ROCK1: variants seen among roughly 807,000 people sequenced by gnomAD.
ROCK1 encodes the protein rho-associated protein kinase 1.
A neutral mutation model predicts 196.8 loss-of-function variants in ROCK1; 36 were observed. That is an observed-to-expected ratio of 0.18 (90% CI 0.14 to 0.24). ROCK1 has a LOEUF of 0.24. Ranked by LOEUF, ROCK1 falls within the 10% of genes least tolerant of loss-of-function variation. The pLI is 1.00. For missense variants in ROCK1, 920 were observed against 1,562.0 expected (o/e 0.59, Z 6.93); for synonymous variants, 443 against 515.9 (o/e 0.86, Z 1.91).
In ROCK1 at chr18:21,095,118, TG is replaced by T. The variant is rs556031595; in HGVS notation, c.93+15699del. On this transcript the variant is annotated intron_variant, in intron 1 of 32. Coordinates refer to ENST00000399799, the MANE Select transcript of ROCK1 (RefSeq NM_005406.3). ...TATATGAAAAGGTACTCAGCACCAC[TG>T]ATCATCAGAGAAATGCAAATCAAAA... Among the ~76,000 whole-genome samples the T allele has an allele frequency of 9.4e-5, 14 of 149,222 alleles. 1 individual carries two copies. The South Asian group carries it at 2.9e-3, about 31-fold the overall frequency.
At chr18:20,988,372 T>G (rs536885977) in intron 18 of ROCK1, among the ~76,000 whole-genome samples, 59 of 152,138 alleles carry the variant, frequency 3.9e-4, no homozygotes, top group Non-Finnish European at 6.9e-4. Context: ...CCGGCCTCTT[T>G]CTATCCAATT....
intron 1 of ROCK1, among the ~76,000 whole-genome samples, chr18:21,105,421 G>C (rs1046477102): frequency 6.6e-6 from 1 of 152,052 alleles, no homozygotes; most frequent in African/African-American, 2.4e-5. Flanking sequence ...CACAAACTAG[G>C]AACACTGGCA....
chr18:21,020,193 T>G lies in ROCK1; in HGVS notation c.1319A>C (p.His440Pro). The change falls in exon 12 of 33, where the codon CAT (histidine) becomes CCT (proline). Residue 440 changes from histidine (H) to proline (P), a missense_variant. Coordinates refer to ENST00000399799, the MANE Select transcript of ROCK1 (RefSeq NM_005406.3). ...KTIYKLEEQL[H>P]NEMQLKDEME... ...TTCATCTTTTAACTGCATTTCATTA[T>G]GCAGCTGTTCTTCCAGCTTATAGAT... 6.3e-7 allele frequency: 1 copy of G among 1,599,522 alleles called. No homozygotes were observed.
chr18:21,037,105 G>C (rs1435837997), intron 9 of ROCK1, among the ~76,000 whole-genome samples: 1 of 152,116 alleles, frequency 6.6e-6, no homozygotes, highest in Non-Finnish European at 1.5e-5. Context: ...CCTGTAGTAA[G>C]TTATTTAGGT....
Position 21,090,194 on chromosome 18 carries a change from T to C in ROCK1, c.94-19581A>G, listed in dbSNP as rs574593344. 2.6e-5 allele frequency among the ~76,000 whole-genome samples: 4 copies of C among 152,330 alleles called. No individual in the cohort carries two copies. The East Asian group carries it at 7.7e-4, about 29-fold the overall frequency. On this transcript the variant is annotated intron_variant, in intron 1 of 32. Transcript: ENST00000399799. ...ATTATGCAGCCAAATGTTGACACAT[T>C]TCATCACATCTGTAACCCCAACACT...
rs2036086792 is a variant in ROCK1 at position 21,039,507 on chromosome 18, T to C, written c.1016A>G (p.Lys339Arg). 9 of 1,614,086 alleles carry C rather than the reference T, an allele frequency of 5.6e-6. No individual in the cohort carries two copies. The highest frequency in any genetic ancestry group is 7.6e-6 in the Non-Finnish European group (9 of 1,179,992). ...VEEIKRHLFF[K>R]NDQWAWETLR... ...CGTTTCCCAAGCCCACTGGTCATTT[T>C]TGAAGAAGAGATGTCGTTTGATTTC... Residue 339 changes from lysine to arginine, a missense_variant, in exon 9 of 33, where the codon AAA becomes AGA. By Grantham distance (26) the Lys-to-Arg change is conservative (BLOSUM62 2). Coordinates refer to ENST00000399799, the MANE Select transcript of ROCK1 (RefSeq NM_005406.3).
rs1426773004 is a variant in ROCK1, at chr18:20,948,294, G to A, written c.*3090C>T. The A allele has an allele frequency of 1.3e-5, 2 of 152,006 alleles. No homozygotes were observed. The highest frequency in any genetic ancestry group is 1.9e-4 in the East Asian group (1 of 5,186). 9.4% of individuals were successfully genotyped at this position (152,006 alleles called of 1,614,324 possible). A position where few individuals can be genotyped will look rare whatever the true frequency, so the allele number is the denominator to read the frequency against. ...CCAATGGATTGTTCACCTGAATTAC[G>A]ATGCAGGAAAGAAGTATTTTCAATG... On this transcript the variant is annotated 3_prime_UTR_variant, in exon 33 of 33. Transcript: ENST00000399799.
chr18:21,072,390 C>A (rs957922695), intron 1 of ROCK1, among the ~76,000 whole-genome samples: 23 of 152,066 alleles, frequency 1.5e-4, no homozygotes, highest in African/African-American at 5.1e-4. Flanking sequence ...AAGCATATAC[C>A]AACTGAGGTT....
intron 29 of ROCK1, among the ~76,000 whole-genome samples, chr18:20,957,616 G>A (rs1398396236): frequency 2.1e-4 from 32 of 152,122 alleles, no homozygotes; most frequent in African/African-American, 7.0e-4. Context: ...GAGTAGCTGG[G>A]ATTACAGGCA....
intron 1 of ROCK1, among the ~76,000 whole-genome samples, chr18:21,095,249 C>T (rs2036603756): frequency 6.6e-6 from 1 of 151,508 alleles, no homozygotes; most frequent in Non-Finnish European, 1.5e-5. Flanking sequence ...AACTCTCCTA[C>T]AATGTTAACG....
chr18:21,105,791 G>C (rs924034402), intron 1 of ROCK1, among the ~76,000 whole-genome samples: 1 of 152,120 alleles, frequency 6.6e-6, no homozygotes, highest in Admixed American at 6.5e-5. Flanking sequence ...TGAAACAAAA[G>C]ACTAAAAATA....
chr18:21,004,201 T>C (rs1017197408), intron 16 of ROCK1, among the ~76,000 whole-genome samples: 2 of 152,150 alleles, frequency 1.3e-5, no homozygotes, highest in Non-Finnish European at 2.9e-5. Context: ...GTTTTTATAC[T>C]TTAAAAGGTT....
At chr18:20,964,819 C>G (rs976404936) in intron 27 of ROCK1, among the ~76,000 whole-genome samples, 4 of 152,182 alleles carry the variant, frequency 2.6e-5, no homozygotes, top group African/African-American at 9.7e-5. Flanking sequence ...GATTCCCAGC[C>G]TAAGTCTGCC....
chr18:21,064,571 C>T (rs2036318233), intron 2 of ROCK1, among the ~76,000 whole-genome samples: 1 of 152,186 alleles, frequency 6.6e-6, no homozygotes, highest in Admixed American at 6.5e-5. Context: ...CCTTTTCTCA[C>T]ACATCTTGAA....
chr18:20,992,094 G>A (rs768989293), intron 17 of ROCK1, among the ~76,000 whole-genome samples: 1 of 152,136 alleles, frequency 6.6e-6, no homozygotes, highest in South Asian at 2.1e-4. Flanking sequence ...AAGGAAAAAT[G>A]AGTCAAAATA....
At chr18:21,051,953 A>C (rs1432187589) in intron 2 of ROCK1, among the ~76,000 whole-genome samples, 2 of 152,224 alleles carry the variant, frequency 1.3e-5, no homozygotes, top group Admixed American at 6.5e-5. Context: ...GAGTTCAATA[A>C]AGTCAAGACA....
Position 20,950,368 on chromosome 18 carries a change from C to A in ROCK1, c.*1016G>T, listed in dbSNP as rs1168520290. 2 of 152,632 alleles carry A rather than the reference C, an allele frequency of 1.3e-5. No individual in the cohort carries two copies. The highest frequency in any genetic ancestry group is 2.9e-5 in the Non-Finnish European group (2 of 68,036). The allele number at this position is 152,632 out of a possible 1,614,324, so 9.5% of individuals were successfully genotyped here. On this transcript the variant is annotated 3_prime_UTR_variant, in exon 33 of 33. Coordinates refer to ENST00000399799, the MANE Select transcript of ROCK1 (RefSeq NM_005406.3). ...AAACCAATTATCAATGAAAAACTCA[C>A]TGACACACATAATTTTTTGAAAATA...
chr18:20,964,227 G>A (rs985173113), intron 27 of ROCK1, among the ~76,000 whole-genome samples: 5 of 151,880 alleles, frequency 3.3e-5, no homozygotes, highest in East Asian at 3.9e-4. Context: ...TTTTTAGTAC[G>A]TATATTCATT....
At chr18:21,028,250 T>C (rs1198663522) in intron 10 of ROCK1, among the ~76,000 whole-genome samples, 2 of 151,018 alleles carry the variant, frequency 1.3e-5, no homozygotes, top group African/African-American at 2.4e-5. Flanking sequence ...ACCACATCTC[T>C]ACTAAAAATA....
Sources: allele counts gnomAD v4.1 joint callset (sites outside exome capture counted in the v4.1 genomes callset), GRCh38; gene constraint gnomAD v4.1.1; transcripts MANE v1.5; gene names NCBI Gene and HGNC (gene_info 2026-07-23, HGNC 2026-07-21).